Variants in SPECC1 observed in about 807,000 individuals in gnomAD.
The protein encoded by SPECC1 is sperm antigen with calponin homology and coiled-coil domains 1.
A neutral mutation model predicts 104.1 loss-of-function variants in SPECC1; 62 were observed. The ratio of observed to expected loss-of-function variants is 0.60; its 90% CI spans 0.49 to 0.74. The LOEUF (loss-of-function observed/expected upper bound fraction) is 0.74. Among genes scored for constraint, SPECC1 ranks in the 30% least tolerant of loss-of-function variants. SPECC1 has a pLI of 0.00. For missense variants in SPECC1, 1,306 were observed against 1,310.5 expected (o/e 1.00, Z 0.05); for synonymous variants, 513 against 501.6 (o/e 1.02, Z -0.30).
intron 2 of SPECC1, among the ~76,000 whole-genome samples, chr17:20,107,175 GAAAAA>G (rs2048261873): frequency 8.0e-6 from 1 of 124,910 alleles, no homozygotes; most frequent in Non-Finnish European, 1.7e-5. Flanking sequence ...AAAAAGAAAA[GAAAAA>G]CAAAAGAAAA....
intron 1 of SPECC1, among the ~76,000 whole-genome samples, chr17:20,014,544 A>G (rs531889835): frequency 6.6e-6 from 1 of 152,152 alleles, no homozygotes; most frequent in South Asian, 2.1e-4. Flanking sequence ...AATGTTTTTT[A>G]TTTCACTTTT....
At chr17:20,254,968 C>G (rs1304735224) in intron 10 of SPECC1, among the ~76,000 whole-genome samples, 1 of 152,112 alleles carries the variant, frequency 6.6e-6, no homozygotes, top group Non-Finnish European at 1.5e-5. Context: ...GCCCATTCCT[C>G]GAGTTTTACA....
intron 1 of SPECC1, among the ~76,000 whole-genome samples, chr17:20,029,606 A>G (rs2044729776): frequency 6.6e-6 from 1 of 152,198 alleles, no homozygotes; most frequent in African/African-American, 2.4e-5. Flanking sequence ...TTCCCTTGTT[A>G]TAGCTCATTC....
intron 1 of SPECC1, among the ~76,000 whole-genome samples, chr17:20,045,725 G>A (rs2045513468): frequency 6.6e-6 from 1 of 152,152 alleles, no homozygotes; most frequent in Non-Finnish European, 1.5e-5. Flanking sequence ...AGACTTGGCA[G>A]GGTTGGCCAG....
intron 3 of SPECC1, among the ~76,000 whole-genome samples, chr17:20,143,196 G>T (rs1597806454): frequency 6.6e-6 from 1 of 151,236 alleles, no homozygotes; most frequent in Non-Finnish European, 1.5e-5. Context: ...AAAAGCCTGG[G>T]CAACGTGGCA....
chr17:20,306,539 G>A (rs950203276), intron 14 of SPECC1, among the ~76,000 whole-genome samples: 1 of 152,236 alleles, frequency 6.6e-6, no homozygotes, highest in Non-Finnish European at 1.5e-5. Flanking sequence ...CCTGCATAAA[G>A]CCAAGGCTCA....
rs1209560177 is a variant in SPECC1, at chr17:20,316,935, T to G, written c.*2870T>G. The G allele has an allele frequency of 2.3e-5, 5 of 216,440 alleles. No individual in the cohort carries two copies. The highest frequency in any genetic ancestry group is 4.7e-5 in the Non-Finnish European group (5 of 107,442). 13.4% of individuals were successfully genotyped at this position (216,440 alleles called of 1,614,324 possible). A position where few individuals can be genotyped will look rare whatever the true frequency, so the allele number is the denominator to read the frequency against. ...ACTGGGAGCCCAAGTTGCCAATGACTGTGGCCAAACTCCCCCATTTTTGTC... is the reference window on the plus strand; with the variant it reads ...ACTGGGAGCCCAAGTTGCCAATGACGGTGGCCAAACTCCCCCATTTTTGTC... On this transcript the variant is annotated 3_prime_UTR_variant, in exon 15 of 15. Coordinates refer to ENST00000395527, the MANE Select transcript of SPECC1 (RefSeq NM_001243439.2).
chr17:20,110,482 C>CG lies in SPECC1; in HGVS notation c.208dup (p.Val70GlyfsTer32). 6.2e-7 allele frequency: 1 copy of CG among 1,613,990 alleles called. No individual in the cohort carries two copies. Among genetic ancestry groups the CG allele is most frequent in the Non-Finnish European group, 8.5e-7 (1 of 1,179,972 alleles). On this transcript the variant is annotated frameshift_variant, in exon 3 of 15. Coordinates refer to ENST00000395527, the MANE Select transcript of SPECC1 (RefSeq NM_001243439.2). LOFTEE classifies it high-confidence loss of function. ...AACAAGCCAGGAAGTACCGCTGCAT[C>CG]GGGGGTGGTTCGCCTGAAGAAGACC...
rs981246466 is a variant in SPECC1 at position 20,315,685 on chromosome 17, C to A, written c.*1620C>A. The A allele has an allele frequency of 8.6e-6, 2 of 232,184 alleles. No homozygotes were observed. The highest frequency in any genetic ancestry group is 4.4e-5 in the African/African-American group (2 of 45,282). 14.4% of individuals were successfully genotyped at this position (232,184 alleles called of 1,614,324 possible). ...TAGAGGCTGCAGGTCCAGCCCCTTACCATTCCTGGAGAGGTAGGAGCTCAG... is the reference window on the plus strand; with the variant it reads ...TAGAGGCTGCAGGTCCAGCCCCTTAACATTCCTGGAGAGGTAGGAGCTCAG... On this transcript the variant is annotated 3_prime_UTR_variant, in exon 15 of 15. Coordinates refer to ENST00000395527, the MANE Select transcript of SPECC1 (RefSeq NM_001243439.2).
chr17:20,078,136 C>T (rs928492420), intron 1 of SPECC1, among the ~76,000 whole-genome samples: 1 of 150,276 alleles, frequency 6.7e-6, no homozygotes, highest in Non-Finnish European at 1.5e-5. Flanking sequence ...GTCATTCTTT[C>T]CCTCTATGGC....
chr17:20,239,338 T>G (rs2039086434), intron 7 of SPECC1: 2 of 973,266 alleles, frequency 2.1e-6, no homozygotes, highest in African/African-American at 1.7e-5. Flanking sequence ...AGGAAATCAG[T>G]GTTAACAGTG....
At chr17:20,035,550 GTATT>G (rs545051352) in intron 1 of SPECC1, among the ~76,000 whole-genome samples, 1 of 152,062 alleles carries the variant, frequency 6.6e-6, no homozygotes, top group South Asian at 2.1e-4. Flanking sequence ...ATTAAAAACA[GTATT>G]TATTATGTTT....
intron 10 of SPECC1, among the ~76,000 whole-genome samples, chr17:20,255,144 G>A (rs1004228294): frequency 6.6e-6 from 1 of 152,168 alleles, no homozygotes; most frequent in African/African-American, 2.4e-5. Context: ...GAAAGTTTAC[G>A]TGGGACTCCA....
At position 20,318,808 on chromosome 17, in the gene SPECC1, C is replaced by T. The variant is rs923093755; in HGVS notation, c.*4743C>T. On this transcript the variant is annotated 3_prime_UTR_variant, in exon 15 of 15. Transcript: ENST00000395527. ...TAGAATTTTGCTAAATCTGTAGCAT[C>T]CTGAATAGCACACTAATTTTTTTTT... 1.6e-4 allele frequency: 33 copies of T among 212,380 alleles called. No individual in the cohort carries two copies. The highest frequency in any genetic ancestry group is 6.3e-4 in the African/African-American group (28 of 44,242). The allele number at this position is 212,380 out of a possible 1,614,324, so 13.2% of individuals were successfully genotyped here.
intron 1 of SPECC1, among the ~76,000 whole-genome samples, chr17:20,061,162 C>T (rs2046171501): frequency 6.6e-6 from 1 of 152,204 alleles, no homozygotes; most frequent in African/African-American, 2.4e-5. Flanking sequence ...ACCTCCATCT[C>T]CCAGGTTCAA....
intron 1 of SPECC1, among the ~76,000 whole-genome samples, chr17:20,013,381 T>A (rs1269570312): frequency 6.6e-6 from 1 of 152,260 alleles, no homozygotes; most frequent in African/African-American, 2.4e-5. Context: ...CTCTCTCTTT[T>A]TTTGATAGTA....
chr17:20,181,119 TAAAAG>T lies in SPECC1; in HGVS notation c.284-23210_284-23206del, dbSNP rs558184423. 1.5e-3 allele frequency among the ~76,000 whole-genome samples: 223 copies of T among 152,132 alleles called. 3 individuals carry two copies. The South Asian group carries it at 0.021, about 15-fold the overall frequency. On this transcript the variant is annotated intron_variant, in intron 3 of 14. Transcript: ENST00000395527. ...AGACAAATTATAAATCATCTAGAAA[TAAAAG>T]AAATAGAAGCCTTTTGATATCAAAA... is the stretch of plus-strand genomic sequence containing the variant.
In SPECC1 at chr17:20,317,280, T is replaced by TTTTTTTTTTAGG. The variant is rs1358654698; in HGVS notation, c.*3215_*3216insTTTTTTTTTAGG. The stretch of plus-strand genomic sequence containing the variant: ...AAAAATTTTTTTTTTTTTTTTTTTT[T>TTTTTTTTTTAGG]GAGAGAGCGTCTCACTTCTCTGTCA... On this transcript the variant is annotated 3_prime_UTR_variant, in exon 15 of 15. Coordinates refer to ENST00000395527, the MANE Select transcript of SPECC1 (RefSeq NM_001243439.2). 6.1e-6 allele frequency: 1 copy of TTTTTTTTTTAGG among 163,476 alleles called. No homozygotes were observed. The highest frequency in any genetic ancestry group is 6.7e-5 in the Admixed American group (1 of 14,918). The allele number at this position is 163,476 out of a possible 1,614,324, so 10.1% of individuals were successfully genotyped here.
chr17:20,220,468 A>G (rs2037803537), intron 4 of SPECC1, among the ~76,000 whole-genome samples: 2 of 151,030 alleles, frequency 1.3e-5, no homozygotes, highest in Admixed American at 1.3e-4. Context: ...CCTTTTTCAG[A>G]TTGTTCACTG....
Sources: gnomAD v4.1 joint callset for allele counts (sites outside exome capture counted in the v4.1 genomes callset) on GRCh38, gnomAD v4.1.1 for gene constraint, MANE v1.5 for transcripts, NCBI Gene and HGNC (gene_info 2026-07-23, HGNC 2026-07-21) for gene names.